SART3: variants seen among roughly 807,000 people sequenced by gnomAD.
SART3 encodes the protein spliceosome associated factor 3, U4/U6 recycling protein.
In SART3, 44 loss-of-function variants were observed where a neutral mutation model predicts 122.3. The ratio of observed to expected loss-of-function variants is 0.36; its 90% CI spans 0.28 to 0.46. The LOEUF (loss-of-function observed/expected upper bound fraction) is 0.46. Ranked by LOEUF, SART3 falls within the 20% of genes least tolerant of loss-of-function variation. SART3 has a pLI of 1.00. For missense variants in SART3, 1,101 were observed against 1,229.0 expected (o/e 0.90, Z 1.56); for synonymous variants, 442 against 454.0 (o/e 0.97, Z 0.34).
At position 108,545,147 on chromosome 12, in the gene SART3, C is replaced by A. The variant is rs1256595718; in HGVS notation, c.721G>T (p.Ala241Ser). 3.1e-6 allele frequency: 5 copies of A among 1,614,100 alleles called. No individual in the cohort carries two copies. In the Admixed American group the frequency reaches 8.3e-5, roughly 27 times the overall value. ...YREFESAIVEAARLEKVHSLF... is the reference protein window; with the variant it reads ...YREFESAIVESARLEKVHSLF... Reference sequence around the variant, plus strand: ...CAACCACAGGTACTCACCCGAGCAGCTTCCACAATCGCACTTTCAAACTCT... The same window carrying A: ...CAACCACAGGTACTCACCCGAGCAGATTCCACAATCGCACTTTCAAACTCT... The change falls in exon 4 of 19, where the codon GCT (alanine) becomes TCT (serine). Residue 241 changes from alanine to serine, a missense_variant. By Grantham distance (99) the Ala-to-Ser change is moderately conservative. Coordinates refer to ENST00000546815, the MANE Select transcript of SART3 (RefSeq NM_014706.4).
At chr12:108,536,484 G>C in intron 11 of SART3, 30 bp downstream of exon 11, 1 of 1,608,122 alleles carries the variant, frequency 6.2e-7, no homozygotes, top group East Asian at 2.2e-5. Context: ...AATGATGGAT[G>C]AAAGTGCTAG....
At chr12:108,551,425 AAACT>A (rs753353272) in intron 1 of SART3, among the ~76,000 whole-genome samples, 4 of 152,220 alleles carry the variant, frequency 2.6e-5, no homozygotes, top group Non-Finnish European at 5.9e-5. Flanking sequence ...GCAACTGATA[AAACT>A]ACTAGACACT....
chr12:108,560,637 G>T, intron 1 of SART3: 1 of 531,546 alleles, frequency 1.9e-6, no homozygotes, highest in Non-Finnish European at 3.3e-6. Flanking sequence ...CCTTCACAGG[G>T]TCGTGGCGAG....
chr12:108,530,078 A>G (rs1267523624), intron 15 of SART3, 64 bp downstream of exon 15: 1 of 1,572,876 alleles, frequency 6.4e-7, no homozygotes. Flanking sequence ...AGTTCTTCAT[A>G]CTGTATTCGC....
At chr12:108,524,788 A>G (rs530063432) in intron 17 of SART3, 2 of 514,298 alleles carry the variant, frequency 3.9e-6, no homozygotes, top group South Asian at 2.1e-5. Context: ...AAAGAAGGAA[A>G]AAGACAGATG....
Position 108,524,468 on chromosome 12 carries a change from C to G in SART3, c.2562G>C (p.Ala854=). Residue 854 remains alanine (A), a synonymous_variant, in exon 18 of 19, where the codon GCG becomes GCC. Transcript: ENST00000546815. The part of the protein sequence containing the change: ...AYVEYENESQ[A]SQAVMKMDGM... ...CGTCCATCTTCATCACAGCCTGCGACGCCTGGGATTCATTTTCATACTCCA... is the reference window on the plus strand; with the variant it reads ...CGTCCATCTTCATCACAGCCTGCGAGGCCTGGGATTCATTTTCATACTCCA... 1 of 1,614,170 alleles carries G rather than the reference C, an allele frequency of 6.2e-7. No homozygotes were observed. Among genetic ancestry groups the G allele is most frequent in the Non-Finnish European group, 8.5e-7 (1 of 1,180,032 alleles).
chr12:108,554,345 T>A (rs1433883951), intron 1 of SART3: 1 of 152,148 alleles, frequency 6.6e-6, no homozygotes, highest in East Asian at 1.9e-4. Flanking sequence ...AGAGCATTAA[T>A]ACAAAAATCC....
rs1392790061 is a variant in SART3 at position 108,538,211 on chromosome 12, A to G, written c.1063-8T>C. Reference sequence around the variant, plus strand: ...TACTTTCAGTTGTCGATCCTATGATAAAGAATTCCAGAGTTAGGAAATTAC... The same window carrying G: ...TACTTTCAGTTGTCGATCCTATGATGAAGAATTCCAGAGTTAGGAAATTAC... On this transcript the variant is annotated splice_polypyrimidine_tract_variant and splice_region_variant and intron_variant, in intron 7 of 18. Coordinates refer to ENST00000546815, the MANE Select transcript of SART3 (RefSeq NM_014706.4). 1 of 1,614,148 alleles carries G rather than the reference A, an allele frequency of 6.2e-7. No homozygotes were observed. Among genetic ancestry groups the G allele is most frequent in the Non-Finnish European group, 8.5e-7 (1 of 1,179,960 alleles).
intron 3 of SART3, 146 bp downstream of exon 3, chr12:108,547,741 A>G (rs1249007354): frequency 1.5e-6 from 1 of 659,468 alleles, no homozygotes; most frequent in Non-Finnish European, 2.7e-6. Context: ...ACCAAAGACA[A>G]TGATAAGACA....
At chr12:108,555,493 C>T (rs1227535046) in intron 1 of SART3, among the ~76,000 whole-genome samples, 2 of 152,092 alleles carry the variant, frequency 1.3e-5, no homozygotes, top group Non-Finnish European at 2.9e-5. Context: ...GGCAAAACCC[C>T]GTCTCTACAA....
chr12:108,538,331 TCAACAACAA>T, intron 7 of SART3, 128 bp from the exon 8 acceptor site: 2 of 1,060,656 alleles, frequency 1.9e-6, no homozygotes, highest in Non-Finnish European at 1.4e-6. Flanking sequence ...CCTGGTTTCC[TCAACAACAA>T]CAAAAAAATC....
Position 108,531,280 on chromosome 12 carries a change from C to A in SART3, c.1670G>T (p.Gly557Val), listed in dbSNP as rs749671232. ...AGCTATATCCCAATCTTCTAAAGAA[C>A]CTTGAAAGAAAGAGAAGCAAAACTT... ...EVLLTMERTE[G>V]SLEDWDIAVQ... The change falls in exon 14 of 19, where the codon GGT becomes GTT. Residue 557 changes from glycine (G) to valine (V), a missense_variant and splice_region_variant. Coordinates refer to ENST00000546815, the MANE Select transcript of SART3 (RefSeq NM_014706.4). 1 of 1,612,932 alleles carries A rather than the reference C, an allele frequency of 6.2e-7. No individual in the cohort carries two copies. Among genetic ancestry groups the A allele is most frequent in the South Asian group, 1.1e-5 (1 of 91,048 alleles).
Position 108,561,136 on chromosome 12 carries a change from T to C in SART3, c.19A>G (p.Thr7Ala). 1 of 1,612,970 alleles carries C rather than the reference T, an allele frequency of 6.2e-7. No individual in the cohort carries two copies. Among genetic ancestry groups the C allele is most frequent in the South Asian group, 1.1e-5 (1 of 91,046 alleles). The stretch of plus-strand genomic sequence containing the variant: ...TCAGCCTCGGGTTCTGAAGCCGAGG[T>C]TTCGGCCGCAGTCGCCATCTTGCGC... MATAAE[T>A]SASEPEAESK... The change falls in exon 1 of 19, where the codon ACC becomes GCC. Residue 7 changes from threonine (T) to alanine (A), a missense_variant. Physicochemically the swap from Thr to Ala is moderately conservative, Grantham distance 58 (BLOSUM62 0). This residue lies in a region of SART3 where 216 missense variants were observed against 148.9 expected (regional missense o/e 1.45). Transcript: ENST00000546815.
intron 15 of SART3, among the ~76,000 whole-genome samples, chr12:108,526,909 A>G (rs971137227): frequency 2.6e-5 from 4 of 152,244 alleles, no homozygotes; most frequent in Non-Finnish European, 5.9e-5. Context: ...GGGATAGGAC[A>G]TGAGAATCTG....
chr12:108,534,651 G>A (rs1374010215), intron 12 of SART3, among the ~76,000 whole-genome samples: 13 of 152,076 alleles, frequency 8.5e-5, no homozygotes, highest in Non-Finnish European at 1.9e-4. Flanking sequence ...CTTCAGCCTG[G>A]GCAACAGAGT....
Position 108,545,221 on chromosome 12 carries a change from G to C in SART3, c.647C>G (p.Ser216Cys). Residue 216 changes from serine (S) to cysteine (C), a missense_variant, in exon 4 of 19, where the codon TCT (serine) becomes TGT (cysteine). By Grantham distance (112) the Ser-to-Cys change is moderately radical (BLOSUM62 -1). Around this residue, in one of 2 missense-constraint regions of SART3, gnomAD observed 885 missense variants for 1,080.1 expected, o/e 0.82. Coordinates refer to ENST00000546815, the MANE Select transcript of SART3 (RefSeq NM_014706.4). The stretch of plus-strand genomic sequence containing the variant: ...TCCTTTGGTCATATGTAAACCAACA[G>C]ACGAGAGAGCCCTTTCAAACACGGA... The part of the protein sequence containing the change: ...VRSVFERALS[S>C]VGLHMTKGLA... 6.2e-7 allele frequency: 1 copy of C among 1,614,124 alleles called. No homozygotes were observed.
Position 108,523,419 on chromosome 12 carries a change from G to A in SART3, c.*38C>T. On this transcript the variant is annotated 3_prime_UTR_variant, in exon 19 of 19. Transcript: ENST00000546815. ...GGGTGGTGGGAGGTCCGCCGGGCCA[G>A]AGTGAAGTAAGGCATTTCCTGTCTC... The A allele has an allele frequency of 6.2e-7, 1 of 1,608,766 alleles. No individual in the cohort carries two copies. Among genetic ancestry groups the A allele is most frequent in the Non-Finnish European group, 8.5e-7 (1 of 1,176,964 alleles).
chr12:108,549,093 G>A lies in SART3; in HGVS notation c.434C>T (p.Thr145Ile), dbSNP rs922578813. 1 of 1,614,080 alleles carries A rather than the reference G, an allele frequency of 6.2e-7. No homozygotes were observed. Among genetic ancestry groups the A allele is most frequent in the Non-Finnish European group, 8.5e-7 (1 of 1,179,948 alleles). ...GCCTGACTGCTGAAGCTTACCTTCA[G>A]TCAAGGGAAAGATTTCACTCATCTT... The part of the protein sequence containing the change: ...RQKMSEIFPL[T>I]EELWLEWLHD... Residue 145 changes from threonine to isoleucine, a missense_variant, in exon 2 of 19, where the codon ACT becomes ATT. Transcript: ENST00000546815.
At position 108,538,950 on chromosome 12, in the gene SART3, C is replaced by T. The variant is rs1873033759; in HGVS notation, c.1046G>A (p.Arg349His). 5.6e-6 allele frequency: 9 copies of T among 1,614,030 alleles called. No homozygotes were observed. The highest frequency in any genetic ancestry group is 1.7e-5 in the Admixed American group (1 of 60,006). Residue 349 changes from arginine to histidine, a missense_variant, in exon 7 of 19, where the codon CGT becomes CAT. Physicochemically the swap from Arg to His is conservative, Grantham distance 29. Coordinates refer to ENST00000546815, the MANE Select transcript of SART3 (RefSeq NM_014706.4). ...TGATCTTACTAGGTACTGACTGTAA[C>T]GGATCCATAAGTCTGGGACAAGGCA... ...ENCLVPDLWIRYSQYLDRQLK... is the reference protein window; with the variant it reads ...ENCLVPDLWIHYSQYLDRQLK...
Sources: allele counts gnomAD v4.1 joint callset (sites outside exome capture counted in the v4.1 genomes callset), GRCh38; gene constraint gnomAD v4.1.1; regional missense constraint gnomAD v4.1.1; transcripts MANE v1.5; gene names NCBI Gene and HGNC (gene_info 2026-07-23, HGNC 2026-07-21).